The following FRAS1 variants were observed in gnomAD, a reference collection of about 807,000 sequenced individuals.
FRAS1 encodes Fraser extracellular matrix complex subunit 1, also known as extracellular matrix organizing protein FRAS1.
Under a neutral mutation model 435.2 loss-of-function variants are expected in FRAS1, and 290 were observed. That is an observed-to-expected ratio of 0.67 (90% CI 0.61 to 0.73). The LOEUF is 0.73. Ranked by LOEUF, FRAS1 falls within the 30% of genes least tolerant of loss-of-function variation. The pLI, the probability that FRAS1 is intolerant of heterozygous loss-of-function variation, is 0.00. For missense variants in FRAS1, 4,860 were observed against 5,001.5 expected, an observed-to-expected ratio of 0.97 and a Z score of 0.85; for synonymous variants, 1,800 against 1,851.0, an observed-to-expected ratio of 0.97 and a Z score of 0.71.
intron 64 of FRAS1, among the ~76,000 whole-genome samples, chr4:78,513,038 C>G (rs1327972919): frequency 6.6e-6 from 1 of 152,178 alleles, no homozygotes; most frequent in African/African-American, 2.4e-5. Flanking sequence ...GGGGAACAGG[C>G]CCTCTCTAGT....
intron 34 of FRAS1, among the ~76,000 whole-genome samples, chr4:78,423,567 T>C (rs4975059): frequency 0.017 from 2,559 of 152,366 alleles, 45 homozygotes; most frequent in Admixed American, 0.056. Flanking sequence ...TGATTTCTTA[T>C]GGTGAGTTGA....
At position 78,363,809 on chromosome 4, in the gene FRAS1, A is replaced by G. The variant is rs745861256; in HGVS notation, c.2576-99A>G. Reference sequence around the variant, plus strand: ...ATGGGACTGTAAACCAGACTTGCCAATGTTCTCAGTGTTGGGACTTTATTA... The same window carrying G: ...ATGGGACTGTAAACCAGACTTGCCAGTGTTCTCAGTGTTGGGACTTTATTA... On this transcript the variant is annotated intron_variant, in intron 21 of 73. Coordinates refer to ENST00000512123, the MANE Select transcript of FRAS1 (RefSeq NM_025074.7). 8.2e-5 allele frequency: 120 copies of G among 1,456,908 alleles called. No individual in the cohort carries two copies. In the Middle Eastern group the frequency reaches 2.4e-3, roughly 29 times the overall value. 90.2% of individuals were successfully genotyped at this position (1,456,908 alleles called of 1,614,324 possible).
chr4:78,380,895 C>G (rs1731988265), intron 27 of FRAS1, among the ~76,000 whole-genome samples: 1 of 152,102 alleles, frequency 6.6e-6, no homozygotes, highest in Non-Finnish European at 1.5e-5. Flanking sequence ...TGCCAGTGAC[C>G]TTGGAAGATC....
At chr4:78,334,363 C>CTTTTTTT (rs1007481617) in intron 19 of FRAS1, among the ~76,000 whole-genome samples, 12 of 92,274 alleles carry the variant, frequency 1.3e-4, no homozygotes, top group African/African-American at 4.5e-4. Context: ...AACCAATTTT[C>CTTTTTTT]TTTTTTTTTT....
chr4:78,277,202 G>A (rs935457971), intron 9 of FRAS1, among the ~76,000 whole-genome samples: 1 of 152,152 alleles, frequency 6.6e-6, no homozygotes, highest in African/African-American at 2.4e-5. Flanking sequence ...AATTTTCCAG[G>A]TGCCGTCTGT....
intron 2 of FRAS1, among the ~76,000 whole-genome samples, chr4:78,125,180 T>G (rs573956315): frequency 6.6e-6 from 1 of 152,224 alleles, no homozygotes; most frequent in Non-Finnish European, 1.5e-5. Context: ...GTGATTTTGG[T>G]ACGTTGTGTC....
intron 1 of FRAS1, among the ~76,000 whole-genome samples, chr4:78,065,266 C>CTA (rs1739977571): frequency 6.8e-6 from 1 of 147,406 alleles, no homozygotes; most frequent in Non-Finnish European, 1.5e-5. Context: ...TATGTATATA[C>CTA]TATATATGTA....
At chr4:78,281,564 G>C (rs1244343046) in intron 11 of FRAS1, 131 bp downstream of exon 11, 1 of 545,626 alleles carries the variant, frequency 1.8e-6, no homozygotes, top group Admixed American at 4.1e-5. Context: ...ACTATGATCA[G>C]GAATTAAGAA....
intron 20 of FRAS1, among the ~76,000 whole-genome samples, chr4:78,357,125 T>TC (rs1389096126): frequency 6.6e-6 from 1 of 152,094 alleles, no homozygotes; most frequent in African/African-American, 2.4e-5. Flanking sequence ...CCAAACATTC[T>TC]CCCCCTGCCC....
At chr4:78,432,874 C>T (rs931006582) in intron 38 of FRAS1, among the ~76,000 whole-genome samples, 1 of 152,124 alleles carries the variant, frequency 6.6e-6, no homozygotes, top group Admixed American at 6.5e-5. Flanking sequence ...GGCCTAGTGC[C>T]ATAAAAGCCC....
intron 59 of FRAS1, among the ~76,000 whole-genome samples, chr4:78,493,300 C>T (rs1301983645): frequency 1.3e-5 from 2 of 152,208 alleles, no homozygotes; most frequent in Admixed American, 6.5e-5. Flanking sequence ...AATCCCATTA[C>T]TGGGTATATA....
intron 35 of FRAS1, among the ~76,000 whole-genome samples, chr4:78,425,360 A>T (rs776025141): frequency 2.0e-5 from 3 of 152,188 alleles, no homozygotes; most frequent in Non-Finnish European, 4.4e-5. Context: ...AATCAGCAAA[A>T]GCAGAGTCAG....
chr4:78,287,145 G>GGAGA lies in FRAS1; in HGVS notation c.1534+616_1534+619dup, dbSNP rs1250321542. Among the ~76,000 whole-genome samples the GGAGA allele has an allele frequency of 5.6e-3, 854 of 151,700 alleles. 9 individuals are homozygous for GGAGA. The highest frequency in any genetic ancestry group is 0.019 in the African/African-American group (800 of 41,238). The stretch of plus-strand genomic sequence containing the variant: ...GCAAGATACGTCTTACATGGTGTCT[G>GGAGA]GAGAGAGAGAGAGTGAGAGAGAGAG... On this transcript the variant is annotated intron_variant, in intron 14 of 73. Transcript: ENST00000512123.
In FRAS1 at chr4:78,273,763, G is replaced by T. The variant is rs879452037; in HGVS notation, c.982-4892G>T. Among the ~76,000 whole-genome samples, 10 of 152,148 alleles carry T rather than the reference G, an allele frequency of 6.6e-5. 1 individual carries two copies. Among genetic ancestry groups the T allele is most frequent in the Non-Finnish European group, 1.5e-4 (10 of 68,016 alleles). On this transcript the variant is annotated intron_variant, in intron 9 of 73. Transcript: ENST00000512123. ...TCATTGATGTTCCTCATGGATATTG[G>T]TCTAAAATTCTCTTTTTTTGTAGTG... is the stretch of plus-strand genomic sequence containing the variant.
intron 41 of FRAS1, among the ~76,000 whole-genome samples, chr4:78,444,380 T>C (rs1028630350): frequency 6.6e-6 from 1 of 152,172 alleles, no homozygotes; most frequent in South Asian, 2.1e-4. Flanking sequence ...AAATTCATGT[T>C]ATTGAAGAAA....
At chr4:78,406,035 A>C (rs1033988421) in intron 30 of FRAS1, among the ~76,000 whole-genome samples, 1 of 152,244 alleles carries the variant, frequency 6.6e-6, no homozygotes, top group Non-Finnish European at 1.5e-5. Context: ...GTTTAGATTT[A>C]GATTTCCTTG....
chr4:78,283,089 G>C, intron 12 of FRAS1, 122 bp downstream of exon 12: 2 of 716,084 alleles, frequency 2.8e-6, no homozygotes, highest in Non-Finnish European at 4.1e-6. Flanking sequence ...GGGTTTGTTT[G>C]TTTCTTCATA....
chr4:78,539,313 T>C lies in FRAS1; in HGVS notation c.11318T>C (p.Val3773Ala), dbSNP rs1455037452. The change falls in exon 73 of 74, where the codon GTA becomes GCA. Residue 3773 changes from valine to alanine, a missense_variant. Coordinates refer to ENST00000512123, the MANE Select transcript of FRAS1 (RefSeq NM_025074.7). ...FLLLDRNQPE[V>A]TDKYFHDVPF... is the part of the protein sequence containing the mutation. ...TCCTAGGACCGCAATCAGCCAGAGG[T>C]AACTGATAAGTACTTCCATGATGTG... 6.2e-7 allele frequency: 1 copy of C among 1,608,086 alleles called. No individual in the cohort carries two copies.
intron 65 of FRAS1, among the ~76,000 whole-genome samples, chr4:78,513,883 C>G (rs1721124255): frequency 6.6e-6 from 1 of 152,188 alleles, no homozygotes; most frequent in Admixed American, 6.5e-5. Context: ...TTTTAAAGCA[C>G]CTACTATGGT....
Sources: allele counts gnomAD v4.1 joint callset (sites outside exome capture counted in the v4.1 genomes callset), GRCh38; gene constraint gnomAD v4.1.1; transcripts MANE v1.5; gene names NCBI Gene and HGNC (gene_info 2026-07-23, HGNC 2026-07-21).